The following TLDC2 variants were observed in gnomAD, a reference collection of about 807,000 sequenced individuals.
TLDC2 encodes the protein TLD domain-containing protein 2.
In TLDC2, 23 loss-of-function variants were observed where a neutral mutation model predicts 27.9. That is an observed-to-expected ratio of 0.82 (90% CI 0.59 to 1.17). The LOEUF is 1.17. Among genes scored for constraint, TLDC2 ranks in the 50% most tolerant of loss-of-function variants. The probability of loss-of-function intolerance (pLI) is 0.00; values close to 1 mark genes in which losing one functional copy is unlikely to be tolerated. For missense variants in TLDC2, 286 were observed against 273.4 expected (o/e 1.05, Z -0.32); for synonymous variants, 124 against 107.4 (o/e 1.16, Z -0.96).
chr20:36,879,501 T>C (rs934318697), intron 3 of TLDC2, among the ~76,000 whole-genome samples: 5 of 151,964 alleles, frequency 3.3e-5, no homozygotes, highest in African/African-American at 1.2e-4. Context: ...ATTAAGCAAA[T>C]AATCATTTGA....
Position 36,893,064 on chromosome 20 carries a change from A to T in TLDC2, c.*220A>T. 1 of 1,613,192 alleles carries T rather than the reference A, an allele frequency of 6.2e-7. No individual in the cohort carries two copies. The highest frequency in any genetic ancestry group is 8.5e-7 in the Non-Finnish European group (1 of 1,180,010). On this transcript the variant is annotated 3_prime_UTR_variant, in exon 7 of 7. Transcript: ENST00000217320. ...TTATGAGTGGGGCTATAACATCGCC[A>T]TCCTATTAGGAAGAGAGAGAAAAAC... is the stretch of plus-strand genomic sequence containing the variant.
intron 4 of TLDC2, among the ~76,000 whole-genome samples, chr20:36,884,723 C>CAG (rs1989883260): frequency 6.6e-6 from 1 of 151,462 alleles, no homozygotes; most frequent in Non-Finnish European, 1.5e-5. Flanking sequence ...GCTCATGCCA[C>CAG]TGCATTCCAA....
chr20:36,884,194 G>A (rs1428627035), intron 4 of TLDC2, among the ~76,000 whole-genome samples: 1 of 152,182 alleles, frequency 6.6e-6, no homozygotes, highest in African/African-American at 2.4e-5. Flanking sequence ...GCCAAAGTGT[G>A]TCCAATGATC....
chr20:36,894,172 A>T lies in TLDC2; in HGVS notation c.*1328A>T, dbSNP rs865844758. On this transcript the variant is annotated 3_prime_UTR_variant, in exon 7 of 7. Transcript: ENST00000217320. ...CTTTTGTATCTCACCCCCATGTTAA[A>T]TTTTTTCTGTTGAACTACACTGGAT... 1.6e-5 allele frequency: 6 copies of T among 385,782 alleles called. No individual in the cohort carries two copies. Among genetic ancestry groups the T allele is most frequent in the African/African-American group, 1.0e-4 (5 of 48,302 alleles). 23.9% of individuals were successfully genotyped at this position (385,782 alleles called of 1,614,324 possible). A position where few individuals can be genotyped will look rare whatever the true frequency, so the allele number is the denominator to read the frequency against.
rs529921065 is a variant in TLDC2, at chr20:36,879,518, A to G, written c.342+325A>G. Among the ~76,000 whole-genome samples the G allele has an allele frequency of 2.6e-5, 4 of 152,116 alleles. No individual in the cohort carries two copies. In the South Asian group the frequency reaches 8.3e-4, roughly 32 times the overall value. ...TAAGCAAATAATCATTTGACTGTAA[A>G]ACTGCATCTTCATCCTCAGAAGCAG... On this transcript the variant is annotated intron_variant, in intron 3 of 6. Coordinates refer to ENST00000217320, the MANE Select transcript of TLDC2 (RefSeq NM_080628.3).
At chr20:36,892,165 G>A (rs981368226) in intron 6 of TLDC2, 6 of 152,430 alleles carry the variant, frequency 3.9e-5, no homozygotes, top group South Asian at 4.1e-4. Context: ...TTCCACTCAC[G>A]AAGAGGCCAG....
chr20:36,877,886 T>C lies in TLDC2; in HGVS notation c.34-13T>C, dbSNP rs779403417. 6.2e-7 allele frequency: 1 copy of C among 1,609,252 alleles called. No homozygotes were observed. The highest frequency in any genetic ancestry group is 1.7e-5 in the Admixed American group (1 of 59,506). The stretch of plus-strand genomic sequence containing the variant: ...TGTCCCTGGACACACCAGGCCACTT[T>C]GTGTTTTTGCAGCCCAGCCAGGTGG... On this transcript the variant is annotated splice_polypyrimidine_tract_variant and intron_variant, in intron 1 of 6. Transcript: ENST00000217320.
Position 36,878,063 on chromosome 20 carries a change from A to G in TLDC2, c.189+9A>G, listed in dbSNP as rs1989715950. The G allele has an allele frequency of 1.2e-6, 2 of 1,608,710 alleles. No homozygotes were observed. Among genetic ancestry groups the G allele is most frequent in the Admixed American group, 1.7e-5 (1 of 59,216 alleles). ...CCTCAGAGATTCGGCAGGTCTGGGC[A>G]TTGCCCATGGCACAAGAATTTCAGC... On this transcript the variant is annotated intron_variant, in intron 2 of 6. Coordinates refer to ENST00000217320, the MANE Select transcript of TLDC2 (RefSeq NM_080628.3).
intron 6 of TLDC2, chr20:36,889,644 C>A: frequency 2.9e-6 from 1 of 346,454 alleles, no homozygotes; most frequent in Non-Finnish European, 5.1e-6. Flanking sequence ...CTAACAGGGT[C>A]TTAGAAAACT....
rs1022944572 is a variant in TLDC2 at position 36,878,203 on chromosome 20, C to T, written c.189+149C>T. On this transcript the variant is annotated intron_variant, in intron 2 of 6. Coordinates refer to ENST00000217320, the MANE Select transcript of TLDC2 (RefSeq NM_080628.3). ...ACCTCCGGCAAATTGCTTCTTCTCT[C>T]GGGGCTTTGCTTTCCCTTCTTGTAA... 42 of 859,898 alleles carry T rather than the reference C, an allele frequency of 4.9e-5. No homozygotes were observed. The East Asian group carries it at 6.3e-4, about 13-fold the overall frequency. 53.3% of individuals were successfully genotyped at this position (859,898 alleles called of 1,614,324 possible).
chr20:36,876,600 G>C (rs1471960983), intron 1 of TLDC2, among the ~76,000 whole-genome samples: 1 of 152,108 alleles, frequency 6.6e-6, no homozygotes, highest in Non-Finnish European at 1.5e-5. Context: ...CAAGGTCATT[G>C]TGTGGAGGCA....
rs967227401 is a variant in TLDC2 at position 36,894,144 on chromosome 20, A to C, written c.*1300A>C. 1.8e-5 allele frequency: 7 copies of C among 393,706 alleles called. No individual in the cohort carries two copies. The highest frequency in any genetic ancestry group is 1.2e-4 in the African/African-American group (6 of 48,510). 24.4% of individuals were successfully genotyped at this position (393,706 alleles called of 1,614,324 possible). A position where few individuals can be genotyped will look rare whatever the true frequency, so the allele number is the denominator to read the frequency against. ...CCTCTATGCTCATTTAGCTCTGCCA[A>C]AACTTTTGTATCTCACCCCCATGTT... On this transcript the variant is annotated 3_prime_UTR_variant, in exon 7 of 7. Coordinates refer to ENST00000217320, the MANE Select transcript of TLDC2 (RefSeq NM_080628.3).
At chr20:36,889,481 A>G in intron 6 of TLDC2, 78 bp downstream of exon 6, 5 of 1,501,480 alleles carry the variant, frequency 3.3e-6, no homozygotes, top group Non-Finnish European at 4.4e-6. Context: ...ACAGATGGTG[A>G]AGGGCCCTAG....
intron 1 of TLDC2, among the ~76,000 whole-genome samples, chr20:36,876,427 C>G (rs1989669154): frequency 6.6e-6 from 1 of 152,224 alleles, no homozygotes; most frequent in South Asian, 2.1e-4. Context: ...ACCGATGTCT[C>G]TGTCCCTTCC....
chr20:36,877,046 A>G (rs1180264961), intron 1 of TLDC2, among the ~76,000 whole-genome samples: 2 of 152,158 alleles, frequency 1.3e-5, no homozygotes, highest in Non-Finnish European at 2.9e-5. Context: ...TTCATGGGGA[A>G]ACCTTTGGGC....
intron 6 of TLDC2, 48 bp from the exon 7 acceptor site, chr20:36,892,814 G>A (rs1444457672): frequency 7.6e-6 from 10 of 1,316,554 alleles, no homozygotes; most frequent in Non-Finnish European, 1.1e-5. Context: ...CAGCATGCGT[G>A]TACATTCAAA....
At chr20:36,880,087 A>ATATATGTGTGTGTG (rs1568748512) in intron 3 of TLDC2, among the ~76,000 whole-genome samples, 1 of 44,176 alleles carries the variant, frequency 2.3e-5, no homozygotes, top group Non-Finnish European at 6.3e-5. Context: ...ATATATATAT[A>ATATATGTGTGTGTG]TATATATATA....
chr20:36,894,159 A>G lies in TLDC2; in HGVS notation c.*1315A>G, dbSNP rs1485235713. On this transcript the variant is annotated 3_prime_UTR_variant, in exon 7 of 7. Coordinates refer to ENST00000217320, the MANE Select transcript of TLDC2 (RefSeq NM_080628.3). Reference sequence around the variant, plus strand: ...AGCTCTGCCAAAACTTTTGTATCTCACCCCCATGTTAAATTTTTTCTGTTG... The same window carrying G: ...AGCTCTGCCAAAACTTTTGTATCTCGCCCCCATGTTAAATTTTTTCTGTTG... 1.5e-5 allele frequency: 6 copies of G among 389,410 alleles called. No individual in the cohort carries two copies. The highest frequency in any genetic ancestry group is 1.2e-4 in the African/African-American group (6 of 48,202). The allele number at this position is 389,410 out of a possible 1,614,324, so 24.1% of individuals were successfully genotyped here. A position where few individuals can be genotyped will look rare whatever the true frequency, so the allele number is the denominator to read the frequency against.
chr20:36,876,198 C>A lies in TLDC2; in HGVS notation c.24C>A (p.Tyr8Ter). Residue 8 changes from tyrosine (Y) to a stop codon, truncating the protein, a stop_gained, in exon 1 of 7, where the codon TAC (tyrosine) becomes TAA (stop). Coordinates refer to ENST00000217320, the MANE Select transcript of TLDC2 (RefSeq NM_080628.3). LOFTEE classifies it high-confidence loss of function. The part of the protein sequence containing the change: MRGLRWR[Y>*]TRLPSQVEDT... Reference sequence around the variant, plus strand: ...GAATGAGAGGCCTCCGCTGGCGTTACACTCGGCTGGTAAGGGTTCCAACTC... The same window carrying A: ...GAATGAGAGGCCTCCGCTGGCGTTAAACTCGGCTGGTAAGGGTTCCAACTC... 1 of 1,614,168 alleles carries A rather than the reference C, an allele frequency of 6.2e-7. No individual in the cohort carries two copies. Among genetic ancestry groups the A allele is most frequent in the South Asian group, 1.1e-5 (1 of 91,086 alleles).
Sources: gnomAD v4.1 joint callset for allele counts (sites outside exome capture counted in the v4.1 genomes callset) on GRCh38, gnomAD v4.1.1 for gene constraint, MANE v1.5 for transcripts, NCBI Gene and HGNC (gene_info 2026-07-23, HGNC 2026-07-21) for gene names.